The following SLC35F4 variants were observed in gnomAD, a reference collection of about 807,000 sequenced individuals.
SLC35F4 encodes chromosome 14 open reading frame 36.
A neutral mutation model predicts 44.2 loss-of-function variants in SLC35F4; 24 were observed. The observed-to-expected ratio is 0.54, with a 90% confidence interval of 0.39 to 0.76. The LOEUF is 0.76. SLC35F4 is among the 30% of genes least tolerant of loss of function. SLC35F4 has a pLI of 0.00. For missense variants in SLC35F4, 562 were observed against 586.1 expected (o/e 0.96, Z 0.42); for synonymous variants, 238 against 223.6 (o/e 1.06, Z -0.57).
intron 1 of SLC35F4, among the ~76,000 whole-genome samples, chr14:57,778,230 G>A (rs2077538121): frequency 6.6e-6 from 1 of 152,184 alleles, no homozygotes; most frequent in South Asian, 2.1e-4. Context: ...CAGCCACATG[G>A]AACTATAAGC....
At chr14:57,584,532 C>T (rs2069547973) in intron 3 of SLC35F4, among the ~76,000 whole-genome samples, 2 of 152,190 alleles carry the variant, frequency 1.3e-5, no homozygotes, top group South Asian at 4.1e-4. Context: ...TTTTACCTCT[C>T]ATATGGAGGA....
intron 1 of SLC35F4, among the ~76,000 whole-genome samples, chr14:57,805,792 CAA>C: frequency 6.6e-6 from 1 of 152,156 alleles, no homozygotes; most frequent in African/African-American, 2.4e-5. Flanking sequence ...TTGAAGAAAA[CAA>C]AAGTTTGTAA....
intron 1 of SLC35F4, among the ~76,000 whole-genome samples, chr14:57,922,023 A>G (rs987353951): frequency 2.6e-5 from 4 of 152,184 alleles, no homozygotes; most frequent in South Asian, 4.1e-4. Flanking sequence ...TTGATGGCCA[A>G]TGGAGGAGGG....
intron 6 of SLC35F4, among the ~76,000 whole-genome samples, chr14:57,569,077 C>T (rs188651814): frequency 1.8e-3 from 275 of 152,256 alleles, no homozygotes; most frequent in African/African-American, 6.4e-3. Flanking sequence ...GAAGACATTA[C>T]AAGGACTCGA....
intron 1 of SLC35F4, among the ~76,000 whole-genome samples, chr14:57,673,580 C>A (rs144351207): frequency 1.3e-5 from 2 of 152,172 alleles, no homozygotes; most frequent in African/African-American, 4.8e-5. Flanking sequence ...GGCAGCCTAT[C>A]CCTATTCCAC....
intron 1 of SLC35F4, among the ~76,000 whole-genome samples, chr14:57,816,186 GC>G (rs1390579365): frequency 6.6e-6 from 1 of 152,058 alleles, no homozygotes; most frequent in Non-Finnish European, 1.5e-5. Context: ...TTGTCATTGG[GC>G]CCCATGCGTG....
At chr14:57,896,354 A>G (rs1203770521) in intron 1 of SLC35F4, among the ~76,000 whole-genome samples, 1 of 152,180 alleles carries the variant, frequency 6.6e-6, no homozygotes, top group African/African-American at 2.4e-5. Flanking sequence ...GGTCCTAGAA[A>G]CATACACTAT....
At chr14:57,717,190 A>T (rs1803897620) in intron 1 of SLC35F4, among the ~76,000 whole-genome samples, 1 of 152,200 alleles carries the variant, frequency 6.6e-6, no homozygotes, top group Non-Finnish European at 1.5e-5. Flanking sequence ...TGTCTTTGAC[A>T]TACTGATTTC....
intron 1 of SLC35F4, among the ~76,000 whole-genome samples, chr14:57,715,546 T>C (rs2075918588): frequency 6.6e-6 from 1 of 151,888 alleles, no homozygotes; most frequent in African/African-American, 2.4e-5. Flanking sequence ...AAGGGAGGGG[T>C]CCTTGACAAT....
intron 1 of SLC35F4, among the ~76,000 whole-genome samples, chr14:57,831,463 G>A (rs1462390407): frequency 6.6e-6 from 1 of 152,220 alleles, no homozygotes; most frequent in Non-Finnish European, 1.5e-5. Context: ...TCCCAGGACA[G>A]AGGAGGGTGG....
intron 1 of SLC35F4, among the ~76,000 whole-genome samples, chr14:57,643,887 GAT>G (rs970847515): frequency 2.0e-5 from 3 of 152,074 alleles, no homozygotes; most frequent in African/African-American, 7.2e-5. Flanking sequence ...TTGTCCATGC[GAT>G]AGTTTGCTGA....
At chr14:57,852,530 C>G (rs1433254678) in intron 1 of SLC35F4, among the ~76,000 whole-genome samples, 2 of 152,216 alleles carry the variant, frequency 1.3e-5, no homozygotes, top group African/African-American at 4.8e-5. Flanking sequence ...GGTTCCTACA[C>G]AGATGTGGAC....
chr14:57,671,802 G>A (rs1386867045), intron 1 of SLC35F4, among the ~76,000 whole-genome samples: 2 of 152,068 alleles, frequency 1.3e-5, no homozygotes, highest in African/African-American at 4.8e-5. Flanking sequence ...GAGCACGGAA[G>A]TACAAATGTC....
At chr14:57,786,633 GACTC>G (rs2077768656) in intron 1 of SLC35F4, among the ~76,000 whole-genome samples, 1 of 152,196 alleles carries the variant, frequency 6.6e-6, no homozygotes, top group African/African-American at 2.4e-5. Context: ...GAGCCAGGTA[GACTC>G]ACTGAGTGGC....
chr14:57,625,645 C>T (rs190806482), intron 1 of SLC35F4, among the ~76,000 whole-genome samples: 5 of 152,222 alleles, frequency 3.3e-5, no homozygotes, highest in Admixed American at 2.0e-4. Flanking sequence ...GAAATAACAC[C>T]GCACATCTAC....
chr14:57,678,503 A>G (rs921172082), intron 1 of SLC35F4, among the ~76,000 whole-genome samples: 2 of 152,096 alleles, frequency 1.3e-5, no homozygotes, highest in Non-Finnish European at 2.9e-5. Context: ...TGGGAGGATC[A>G]AATTAACACA....
At chr14:57,976,296 G>C (rs1349663662), downstream of SLC35F4, among the ~76,000 whole-genome samples, 1 of 152,190 alleles carries the variant, frequency 6.6e-6, no homozygotes, top group Non-Finnish European at 1.5e-5. Flanking sequence ...AAAAGCAATT[G>C]TATTCCTTGG....
intron 1 of SLC35F4, among the ~76,000 whole-genome samples, chr14:57,612,886 T>C (rs1468629317): frequency 6.6e-6 from 1 of 152,200 alleles, no homozygotes; most frequent in Non-Finnish European, 1.5e-5. Context: ...ACACTAAATA[T>C]TCAACAAATA....
chr14:57,942,923 A>C (rs2141073930), intron 1 of SLC35F4, among the ~76,000 whole-genome samples: 1 of 152,318 alleles, frequency 6.6e-6, no homozygotes, highest in South Asian at 2.1e-4. Context: ...AGAAACTGAG[A>C]TTTAAAAGCT....
Sources: gnomAD v4.1 joint callset for allele counts (sites outside exome capture counted in the v4.1 genomes callset) on GRCh38, gnomAD v4.1.1 for gene constraint, MANE v1.5 for transcripts, NCBI Gene and HGNC (gene_info 2026-07-23, HGNC 2026-07-21) for gene names.